Variants in ADD2 observed in about 807,000 individuals in gnomAD.
ADD2 encodes the protein adducin 2.
ADD2 carries 23 observed loss-of-function variants against 83.0 expected under a neutral mutation model. The observed-to-expected ratio is 0.28, with a 90% CI of 0.20 to 0.39. The LOEUF (loss-of-function observed/expected upper bound fraction) is 0.39, where lower values mean the gene tolerates loss of function less well. Ranked by LOEUF, ADD2 falls within the 10% of genes least tolerant of loss-of-function variation. ADD2 has a pLI of 1.00. For synonymous variants in ADD2, 375 were observed against 375.4 expected, an observed-to-expected ratio of 1.00 and a Z score of 0.01; for missense variants, 758 against 944.9, an observed-to-expected ratio of 0.80 and a Z score of 2.59.
At chr2:70,691,212 T>G (rs1304141244) in intron 7 of ADD2, among the ~76,000 whole-genome samples, 1 of 152,166 alleles carries the variant, frequency 6.6e-6, no homozygotes, top group Admixed American at 6.5e-5. Flanking sequence ...AGAGACCTAT[T>G]GCTGCCCCTC....
At chr2:70,712,494 G>C (rs1175763271) in intron 2 of ADD2, among the ~76,000 whole-genome samples, 1 of 149,944 alleles carries the variant, frequency 6.7e-6, no homozygotes, top group Non-Finnish European at 1.5e-5. Context: ...ATCACAAAGA[G>C]ATTAACAAAC....
chr2:70,688,232 C>T (rs1261709449), intron 8 of ADD2, 110 bp from the exon 9 acceptor site: 2 of 794,408 alleles, frequency 2.5e-6, no homozygotes, highest in Non-Finnish European at 4.1e-6. Context: ...TCCCAGGGCC[C>T]CTTCTCCCAA....
At position 70,704,337 on chromosome 2, in the gene ADD2, G is replaced by T; in HGVS notation, c.306C>A (p.Phe102Leu). Residue 102 changes from phenylalanine (F) to leucine (L), a missense_variant, in exon 4 of 16, where the codon TTC becomes TTA. Phe to Leu is a conservative substitution (Grantham distance 22). Transcript: ENST00000264436. ...DFMASTSHAV[F>L]PTSSMNVSMM... ...ACCACATACTCATGGAAGATGTCGG[G>T]AAGACTGCGTGGGAGGTGCTGGCCA... 1 of 1,613,428 alleles carries T rather than the reference G, an allele frequency of 6.2e-7. No individual in the cohort carries two copies. Among genetic ancestry groups the T allele is most frequent in the Non-Finnish European group, 8.5e-7 (1 of 1,179,836 alleles).
At chr2:70,758,522 G>A (rs1410154994) in intron 1 of ADD2, among the ~76,000 whole-genome samples, 1 of 152,174 alleles carries the variant, frequency 6.6e-6, no homozygotes, top group African/African-American at 2.4e-5. Context: ...AAGAGGAAAA[G>A]CAGTTGAGGC....
intron 1 of ADD2, 125 bp downstream of exon 1, chr2:70,767,761 G>A (rs568872938): frequency 2.6e-5 from 38 of 1,452,430 alleles, no homozygotes; most frequent in East Asian, 2.3e-4. Flanking sequence ...GCACCGACGC[G>A]CTCGGCAACA....
intron 8 of ADD2, among the ~76,000 whole-genome samples, chr2:70,689,395 G>A (rs541481162): frequency 3.9e-5 from 6 of 152,372 alleles, no homozygotes; most frequent in African/African-American, 1.2e-4. Context: ...CAGAGCCTGG[G>A]CTGAAGCCTG....
At chr2:70,722,339 A>G (rs950547206) in intron 1 of ADD2, among the ~76,000 whole-genome samples, 20 of 152,230 alleles carry the variant, frequency 1.3e-4, no homozygotes, top group Non-Finnish European at 2.5e-4. Context: ...AACTATCATT[A>G]TAAGTCATCA....
At chr2:70,687,466 C>T (rs1553370702) in intron 9 of ADD2, 1 of 153,804 alleles carries the variant, frequency 6.5e-6, no homozygotes, top group African/African-American at 2.4e-5. Context: ...TGATGGCTTC[C>T]TGGATATCAC....
chr2:70,695,897 A>G (rs538296106), intron 5 of ADD2, 96 bp from the exon 6 acceptor site: 12 of 1,043,690 alleles, frequency 1.1e-5, no homozygotes, highest in South Asian at 9.8e-5. Flanking sequence ...AATCTACTGC[A>G]CCCAAGTCCA....
In ADD2 at chr2:70,676,691, G is replaced by A. The variant is rs2104229515; in HGVS notation, c.1593+105C>T. On this transcript the variant is annotated intron_variant, in intron 13 of 15. Coordinates refer to ENST00000264436, the MANE Select transcript of ADD2 (RefSeq NM_001617.4). This position sits in a 1 kb window ranked among gnomAD's most constrained non-coding sequence, Gnocchi z 4.8. ...AGCACCGGCACCCAAGATCACAGGGGAAGGTGGGTATGAGGACTCAGGGGT... is the reference window on the plus strand; with the variant it reads ...AGCACCGGCACCCAAGATCACAGGGAAAGGTGGGTATGAGGACTCAGGGGT... The A allele has an allele frequency of 1.3e-6, 2 of 1,543,584 alleles. No homozygotes were observed. The highest frequency in any genetic ancestry group is 1.8e-6 in the Non-Finnish European group (2 of 1,139,110).
intron 1 of ADD2, among the ~76,000 whole-genome samples, chr2:70,721,494 A>G (rs538727629): frequency 3.9e-5 from 6 of 152,334 alleles, no homozygotes; most frequent in Non-Finnish European, 5.9e-5. Flanking sequence ...TGAGTCCTAC[A>G]GATCATTTAT....
intron 15 of ADD2, among the ~76,000 whole-genome samples, chr2:70,668,552 T>G (rs1669774746): frequency 6.6e-6 from 1 of 152,216 alleles, no homozygotes; most frequent in Non-Finnish European, 1.5e-5. Flanking sequence ...CTCTTTTACG[T>G]CTCTAACAAT....
chr2:70,723,898 A>G (rs1172056043), intron 1 of ADD2, among the ~76,000 whole-genome samples: 1 of 152,218 alleles, frequency 6.6e-6, no homozygotes, highest in East Asian at 1.9e-4. Flanking sequence ...CGGTATAAGG[A>G]GGGTAAATGC....
At chr2:70,766,202 G>A (rs552661745) in intron 1 of ADD2, among the ~76,000 whole-genome samples, 1 of 152,296 alleles carries the variant, frequency 6.6e-6, no homozygotes, top group South Asian at 2.1e-4. Flanking sequence ...AATTCTTATG[G>A]ATTTTGGATC....
At chr2:70,729,614 C>T (rs1481659533) in intron 1 of ADD2, among the ~76,000 whole-genome samples, 1 of 152,170 alleles carries the variant, frequency 6.6e-6, no homozygotes, top group African/African-American at 2.4e-5. Flanking sequence ...TCCTCCACAC[C>T]TCTGCAAAAT....
At chr2:70,765,539 GACC>G (rs1264930988) in intron 1 of ADD2, among the ~76,000 whole-genome samples, 1 of 152,222 alleles carries the variant, frequency 6.6e-6, no homozygotes, top group Non-Finnish European at 1.5e-5. Flanking sequence ...ATTAGACACA[GACC>G]ACGTCTATCT....
intron 1 of ADD2, among the ~76,000 whole-genome samples, chr2:70,713,942 T>C (rs1672334029): frequency 6.6e-6 from 1 of 151,534 alleles, no homozygotes; most frequent in African/African-American, 2.4e-5. Context: ...CCCAGGAAAA[T>C]GGGAGAGTTT....
chr2:70,703,771 T>C (rs1203508004), intron 4 of ADD2, among the ~76,000 whole-genome samples: 1 of 152,234 alleles, frequency 6.6e-6, no homozygotes, highest in Non-Finnish European at 1.5e-5. Flanking sequence ...ACTGGAAGGA[T>C]ATATGTTCAC....
intron 2 of ADD2, among the ~76,000 whole-genome samples, chr2:70,707,279 T>C (rs1484013356): frequency 6.6e-6 from 1 of 152,246 alleles, no homozygotes; most frequent in Non-Finnish European, 1.5e-5. Context: ...TCCAATCCCA[T>C]TCAACTCATG....
Sources: allele counts gnomAD v4.1 joint callset (sites outside exome capture counted in the v4.1 genomes callset), GRCh38; gene constraint gnomAD v4.1.1; non-coding constraint Gnocchi (gnomAD v3.1); transcripts MANE v1.5; gene names NCBI Gene and HGNC (gene_info 2026-07-23, HGNC 2026-07-21).